The following PCCB variants were observed in gnomAD, a reference collection of about 807,000 sequenced individuals.
PCCB encodes propionyl-CoA carboxylase subunit beta.
In PCCB, 43 loss-of-function variants were observed where a neutral mutation model predicts 60.7. That is an observed-to-expected ratio of 0.71 (90% CI 0.55 to 0.91). The LOEUF (loss-of-function observed/expected upper bound fraction) is 0.91, where lower values mean the gene tolerates loss of function less well. Ranked by LOEUF, PCCB falls within the 40% of genes least tolerant of loss-of-function variation. PCCB has a pLI of 0.00. For synonymous variants in PCCB, 276 were observed against 255.9 expected (o/e 1.08, Z -0.75); for missense variants, 766 against 702.8 (o/e 1.09, Z -1.02).
intron 9 of PCCB, among the ~76,000 whole-genome samples, chr3:136,312,677 C>T (rs1300647376): frequency 2.0e-5 from 3 of 152,180 alleles, no homozygotes; most frequent in African/African-American, 4.8e-5. Context: ...CAGATGAATT[C>T]CTCTGAAACC....
chr3:136,266,409 G>A (rs939421788), intron 5 of PCCB, among the ~76,000 whole-genome samples: 7 of 152,118 alleles, frequency 4.6e-5, no homozygotes, highest in African/African-American at 9.7e-5. Context: ...GATTACAGGC[G>A]TGAGCCACCG....
intron 9 of PCCB, among the ~76,000 whole-genome samples, chr3:136,316,619 C>T (rs1934906155): frequency 6.6e-6 from 1 of 152,120 alleles, no homozygotes. Context: ...CCCGGCCTGA[C>T]ATTTTTATTT....
At chr3:136,280,888 A>G (rs894151305) in intron 5 of PCCB, among the ~76,000 whole-genome samples, 3 of 152,160 alleles carry the variant, frequency 2.0e-5, no homozygotes, top group Admixed American at 1.3e-4. Flanking sequence ...TCTTGGCCTC[A>G]AGTGGTCCTC....
intron 5 of PCCB, among the ~76,000 whole-genome samples, chr3:136,282,714 C>T (rs895869546): frequency 6.6e-6 from 1 of 152,106 alleles, no homozygotes; most frequent in Admixed American, 6.6e-5. Context: ...TTTATAATCA[C>T]ATATTTATCA....
At position 136,259,954 on chromosome 3, in the gene PCCB, G is replaced by T. The variant is rs562291462; in HGVS notation, c.373-525G>T. Among the ~76,000 whole-genome samples the T allele has an allele frequency of 7.2e-4, 109 of 152,062 alleles. 1 individual carries two copies. The highest frequency in any genetic ancestry group is 1.4e-3 in the Non-Finnish European group (96 of 68,006). ...TTTAGTAGAGATGGGGTTTCACCAT[G>T]TTGGCCAGGGTGGTCTGGAACTCTT... is the stretch of plus-strand genomic sequence containing the variant. On this transcript the variant is annotated intron_variant, in intron 3 of 14. Transcript: ENST00000251654.
At chr3:136,279,518 T>A (rs966872871) in intron 5 of PCCB, among the ~76,000 whole-genome samples, 3 of 152,160 alleles carry the variant, frequency 2.0e-5, no homozygotes, top group African/African-American at 7.2e-5. Context: ...GAATACCAGG[T>A]TAGCTTTAGT....
chr3:136,272,552 G>A (rs1394395702), intron 5 of PCCB, among the ~76,000 whole-genome samples: 3 of 151,936 alleles, frequency 2.0e-5, no homozygotes, highest in Non-Finnish European at 4.4e-5. Flanking sequence ...GGTCTGTTCA[G>A]GGTTTCTGTT....
Position 136,329,951 on chromosome 3 carries a change from C to A in PCCB, c.1545C>A (p.Ile515=). Residue 515 remains isoleucine (I), a synonymous_variant, in exon 15 of 15, where the codon ATC becomes ATA. Transcript: ENST00000251654. The part of the protein sequence containing the change: ...IIQPSSTRAR[I]CCDLDVLASK... ...AACCTTCTTCCACACGTGCCCGAAT[C>A]TGCTGTGACCTGGATGTCTTGGCCA... The A allele has an allele frequency of 6.2e-7, 1 of 1,614,190 alleles. No individual in the cohort carries two copies. The highest frequency in any genetic ancestry group is 8.5e-7 in the Non-Finnish European group (1 of 1,180,014).
intron 1 of PCCB, among the ~76,000 whole-genome samples, chr3:136,250,919 G>A (rs771958768): frequency 2.7e-4 from 41 of 152,160 alleles, no homozygotes; most frequent in Non-Finnish European, 4.4e-4. Context: ...AAAATGATAG[G>A]CGCTCAGTAA....
chr3:136,270,131 T>G (rs1403771940), intron 5 of PCCB, among the ~76,000 whole-genome samples: 1 of 152,080 alleles, frequency 6.6e-6, no homozygotes, highest in Admixed American at 6.6e-5. Flanking sequence ...AATCATGTGT[T>G]TTTTGTTCTT....
chr3:136,319,570 G>T (rs1305848918), intron 10 of PCCB, among the ~76,000 whole-genome samples: 1 of 151,950 alleles, frequency 6.6e-6, no homozygotes, highest in Non-Finnish European at 1.5e-5. Flanking sequence ...GCTAATTTTT[G>T]TATTTTTAGT....
chr3:136,262,152 C>T lies in PCCB; in HGVS notation c.543+87C>T, dbSNP rs963459219. 3 of 832,522 alleles carry T rather than the reference C, an allele frequency of 3.6e-6. No homozygotes were observed. In the Admixed American group the frequency reaches 6.0e-5, roughly 17 times the overall value. The allele number at this position is 832,522 out of a possible 1,614,324, so 51.6% of individuals were successfully genotyped here. A position where few individuals can be genotyped will look rare whatever the true frequency, so the allele number is the denominator to read the frequency against. On this transcript the variant is annotated intron_variant, in intron 5 of 14. Transcript: ENST00000251654. The stretch of plus-strand genomic sequence containing the variant: ...TGGCCAGAGCTTCTCCAACTCTCCT[C>T]ATTGTTCTCTGCCGCATTGTGTCTG...
At chr3:136,287,032 GAA>G (rs767656015) in intron 6 of PCCB, among the ~76,000 whole-genome samples, 6 of 132,836 alleles carry the variant, frequency 4.5e-5, no homozygotes, top group East Asian at 2.2e-4. Flanking sequence ...CTCTGTCTCG[GAA>G]AAAAAAAAAA....
At chr3:136,300,395 G>A (rs1414919002) in intron 8 of PCCB, among the ~76,000 whole-genome samples, 1 of 152,234 alleles carries the variant, frequency 6.6e-6, no homozygotes, top group Non-Finnish European at 1.5e-5. Context: ...GAGAGAAGAG[G>A]TTGGAGAGGG....
intron 10 of PCCB, among the ~76,000 whole-genome samples, chr3:136,322,860 T>G (rs192536134): frequency 6.6e-6 from 1 of 152,320 alleles, no homozygotes. Flanking sequence ...TGAAGGACAG[T>G]TTGCCAGATA....
chr3:136,250,642 T>C, intron 1 of PCCB, 84 bp downstream of exon 1: 1 of 1,349,060 alleles, frequency 7.4e-7, no homozygotes, highest in Non-Finnish European at 1.0e-6. Flanking sequence ...GTCCGAGGCC[T>C]CCCTGCCAAT....
rs1934318784 is a variant in PCCB, at chr3:136,302,283, A to G, written c.966+1172A>G. On this transcript the variant is annotated intron_variant, in intron 9 of 14. Transcript: ENST00000251654. The stretch of plus-strand genomic sequence containing the variant: ...ATGCTAAGAGCTGAAATTAACTCCA[A>G]TTTTCAGTCCAATCCTTCCCCTGGA... Among the ~76,000 whole-genome samples, 2 of 96,588 alleles carry G rather than the reference A, an allele frequency of 2.1e-5. 1 individual carries two copies. The highest frequency in any genetic ancestry group is 4.9e-5 in the Non-Finnish European group (2 of 40,442). 63.4% of individuals were successfully genotyped at this position (96,588 alleles called of 152,430 possible). A position where few individuals can be genotyped will look rare whatever the true frequency, so the allele number is the denominator to read the frequency against.
At chr3:136,254,725 G>A (rs1452632375) in intron 1 of PCCB, among the ~76,000 whole-genome samples, 9 of 150,426 alleles carry the variant, frequency 6.0e-5, no homozygotes, top group African/African-American at 1.7e-4. Context: ...GTAGAGACCA[G>A]GTTTTGCCAT....
chr3:136,283,511 G>GGC (rs1942532840), intron 5 of PCCB, among the ~76,000 whole-genome samples: 1 of 152,226 alleles, frequency 6.6e-6, no homozygotes, highest in Non-Finnish European at 1.5e-5. Context: ...ACAGATGGGG[G>GGC]GCTTTGCATT....
Sources: allele counts gnomAD v4.1 joint callset (sites outside exome capture counted in the v4.1 genomes callset), GRCh38; gene constraint gnomAD v4.1.1; transcripts MANE v1.5; gene names NCBI Gene and HGNC (gene_info 2026-07-23, HGNC 2026-07-21).